ATF6: variants seen among roughly 807,000 people sequenced by gnomAD.
ATF6 encodes activating transcription factor 6.
In ATF6, 53 loss-of-function variants were observed where a neutral mutation model predicts 83.6. The observed-to-expected ratio is 0.63, with a 90% CI of 0.51 to 0.80. ATF6 has a LOEUF of 0.80. ATF6 is among the 30% of genes least tolerant of loss of function. ATF6 has a pLI of 0.00. For synonymous variants in ATF6, 288 were observed against 285.8 expected, an observed-to-expected ratio of 1.01 and a Z score of -0.08; for missense variants, 744 against 797.9, an observed-to-expected ratio of 0.93 and a Z score of 0.81.
rs191852748 is a variant in ATF6 at position 161,958,684 on chromosome 1, G to T, written c.*30G>T. On this transcript the variant is annotated 3_prime_UTR_variant, in exon 16 of 16. Coordinates refer to ENST00000367942, the MANE Select transcript of ATF6 (RefSeq NM_007348.4). ...CTGCAGCTATGCTGGAAAACTGAGC[G>T]TGGGACCCTGCCAGACTGAAGAGCA... The T allele has an allele frequency of 4.5e-6, 7 of 1,566,732 alleles. No homozygotes were observed. Among genetic ancestry groups the T allele is most frequent in the Non-Finnish European group, 6.1e-6 (7 of 1,153,016 alleles).
At chr1:161,844,892 TTACCTCATTTGTGGCAAGG>T (rs1686445925) in intron 9 of ATF6, among the ~76,000 whole-genome samples, 1 of 152,210 alleles carries the variant, frequency 6.6e-6, no homozygotes, top group Non-Finnish European at 1.5e-5. Context: ...ACTAGGTCTC[TTACCTCATTTGTGGCAAGG>T]TTTATATTGA....
intron 15 of ATF6, among the ~76,000 whole-genome samples, chr1:161,944,958 T>C (rs1439124109): frequency 2.1e-5 from 2 of 97,512 alleles, no homozygotes; most frequent in Non-Finnish European, 5.7e-5. Context: ...AAATGCAGTG[T>C]TTGGCATTGT....
At chr1:161,863,672 AT>A (rs903718178) in intron 14 of ATF6, among the ~76,000 whole-genome samples, 4 of 152,216 alleles carry the variant, frequency 2.6e-5, no homozygotes, top group African/African-American at 9.6e-5. Context: ...ACCAATTCCC[AT>A]TTGGTTATTG....
At chr1:161,942,626 A>G (rs1034390820) in intron 15 of ATF6, among the ~76,000 whole-genome samples, 1 of 152,200 alleles carries the variant, frequency 6.6e-6, no homozygotes, top group African/African-American at 2.4e-5. Flanking sequence ...TCCTCCACAA[A>G]CATCATCATA....
intron 14 of ATF6, among the ~76,000 whole-genome samples, chr1:161,900,462 AT>A (rs894591837): frequency 3.3e-5 from 5 of 152,146 alleles, no homozygotes; most frequent in African/African-American, 1.2e-4. Context: ...GGGAGTTAAC[AT>A]TTTCAATAAG....
At chr1:161,904,728 G>A (rs893823317) in intron 14 of ATF6, among the ~76,000 whole-genome samples, 2 of 152,158 alleles carry the variant, frequency 1.3e-5, no homozygotes, top group African/African-American at 4.8e-5. Flanking sequence ...TACACCCTAT[G>A]TGATATGAAA....
intron 7 of ATF6, among the ~76,000 whole-genome samples, chr1:161,817,044 T>C (rs748326277): frequency 1.3e-5 from 2 of 152,258 alleles, no homozygotes; most frequent in Non-Finnish European, 2.9e-5. Context: ...AGAACTATTA[T>C]AGTGTATCTG....
intron 9 of ATF6, among the ~76,000 whole-genome samples, chr1:161,827,589 G>T (rs575429871): frequency 1.3e-5 from 2 of 151,952 alleles, no homozygotes; most frequent in East Asian, 3.9e-4. Flanking sequence ...AGTGATTAAT[G>T]TGGTTTCAGA....
At chr1:161,784,181 T>C (rs1684697356) in intron 4 of ATF6, 85 bp downstream of exon 4, 1 of 898,686 alleles carries the variant, frequency 1.1e-6, no homozygotes, top group African/African-American at 1.7e-5. Context: ...TAACATTTAT[T>C]GAATACTACT....
chr1:161,917,036 A>T lies in ATF6; in HGVS notation c.1804+4656A>T, dbSNP rs534095093. On this transcript the variant is annotated intron_variant, in intron 15 of 15. Transcript: ENST00000367942. The stretch of plus-strand genomic sequence containing the variant: ...ATCCAGCTTCTCCTCTTCTGTCAGG[A>T]TGGAATCTTGTTTGTTATGTTCGCC... Among the ~76,000 whole-genome samples the T allele has an allele frequency of 5.9e-5, 9 of 152,232 alleles. No homozygotes were observed. In the South Asian group the frequency reaches 1.9e-3, roughly 32 times the overall value.
intron 4 of ATF6, among the ~76,000 whole-genome samples, chr1:161,790,590 A>G (rs1299680349): frequency 1.3e-5 from 2 of 152,106 alleles, no homozygotes; most frequent in Non-Finnish European, 2.9e-5. Flanking sequence ...TGGGTGGACC[A>G]TATGAGGTCA....
chr1:161,834,254 A>G (rs1686152278), intron 9 of ATF6, among the ~76,000 whole-genome samples: 1 of 152,196 alleles, frequency 6.6e-6, no homozygotes, highest in African/African-American at 2.4e-5. Flanking sequence ...CTCCGGAAGG[A>G]AGCACTAAAC....
At chr1:161,837,226 AATT>A (rs1392002663) in intron 9 of ATF6, among the ~76,000 whole-genome samples, 3 of 152,212 alleles carry the variant, frequency 2.0e-5, no homozygotes, top group African/African-American at 7.2e-5. Flanking sequence ...GTACATATGT[AATT>A]ATTATATATT....
chr1:161,766,975 C>T (rs978737502), intron 1 of ATF6, among the ~76,000 whole-genome samples: 1 of 152,182 alleles, frequency 6.6e-6, no homozygotes, highest in Non-Finnish European at 1.5e-5. Flanking sequence ...CTTAGCTACA[C>T]CTAATACTTA....
intron 15 of ATF6, among the ~76,000 whole-genome samples, chr1:161,949,000 G>A (rs2101916950): frequency 6.6e-6 from 1 of 152,314 alleles, no homozygotes; most frequent in South Asian, 2.1e-4. Flanking sequence ...TTCTCAGACT[G>A]GTCTCCACCC....
intron 1 of ATF6, among the ~76,000 whole-genome samples, chr1:161,769,340 C>T (rs77171816): frequency 0.02 from 3,002 of 152,330 alleles, 103 homozygotes; most frequent in African/African-American, 0.069. Context: ...CCCAGCTTCT[C>T]CTATTGGTAA....
At chr1:161,814,530 G>A (rs1039039771) in intron 7 of ATF6, among the ~76,000 whole-genome samples, 2 of 152,182 alleles carry the variant, frequency 1.3e-5, no homozygotes, top group Admixed American at 1.3e-4. Context: ...ATAGTTTGCA[G>A]GATGAAGATT....
chr1:161,845,891 T>C (rs1049822592), intron 9 of ATF6, among the ~76,000 whole-genome samples: 3 of 151,994 alleles, frequency 2.0e-5, no homozygotes, highest in African/African-American at 7.2e-5. Flanking sequence ...AGTGAAGATA[T>C]TAGGGAGGGT....
At chr1:161,915,622 G>A (rs1401034071) in intron 15 of ATF6, among the ~76,000 whole-genome samples, 2 of 148,412 alleles carry the variant, frequency 1.3e-5, no homozygotes, top group African/African-American at 4.9e-5. Context: ...GCATACAAAT[G>A]TCTTTTTTTT....
Sources: allele counts gnomAD v4.1 joint callset (sites outside exome capture counted in the v4.1 genomes callset), GRCh38; gene constraint gnomAD v4.1.1; transcripts MANE v1.5; gene names NCBI Gene and HGNC (gene_info 2026-07-23, HGNC 2026-07-21).